The following CAMK1D variants were observed in gnomAD, a reference collection of about 807,000 sequenced individuals.
CAMK1D encodes the protein calcium/calmodulin-dependent protein kinase type 1D.
CAMK1D carries 9 observed loss-of-function variants against 47.7 expected under a neutral mutation model. That is an observed-to-expected ratio of 0.19 (90% CI 0.11 to 0.33). CAMK1D has a LOEUF of 0.33. Among genes scored for constraint, CAMK1D ranks in the 10% least tolerant of loss-of-function variants. The pLI is 1.00. For synonymous variants in CAMK1D, 184 were observed against 184.9 expected, an observed-to-expected ratio of 0.99 and a Z score of 0.04; for missense variants, 291 against 488.7, an observed-to-expected ratio of 0.60 and a Z score of 3.81.
At chr10:12,608,286 C>T (rs1327318544) in intron 2 of CAMK1D, among the ~76,000 whole-genome samples, 8 of 152,090 alleles carry the variant, frequency 5.3e-5, no homozygotes, top group East Asian at 3.9e-4. Context: ...GGCATGGTAG[C>T]GCACACCTGT....
At chr10:12,617,507 T>C (rs2132429487) in intron 2 of CAMK1D, among the ~76,000 whole-genome samples, 1 of 152,260 alleles carries the variant, frequency 6.6e-6, no homozygotes, top group South Asian at 2.1e-4. Context: ...CAGGCTATGA[T>C]GGCCAGAAAA....
intron 2 of CAMK1D, among the ~76,000 whole-genome samples, chr10:12,666,369 C>G (rs1303524264): frequency 6.6e-6 from 1 of 152,190 alleles, no homozygotes; most frequent in Non-Finnish European, 1.5e-5. Flanking sequence ...TCAGGCAAGT[C>G]CGTGATGGCC....
At chr10:12,424,744 G>A (rs1474739312) in intron 1 of CAMK1D, among the ~76,000 whole-genome samples, 1 of 152,100 alleles carries the variant, frequency 6.6e-6, no homozygotes. Context: ...AGGAGATCAC[G>A]GCTGCAGTGA....
At chr10:12,605,837 C>G (rs1287860485) in intron 2 of CAMK1D, among the ~76,000 whole-genome samples, 1 of 152,184 alleles carries the variant, frequency 6.6e-6, no homozygotes, top group Non-Finnish European at 1.5e-5. Flanking sequence ...TATTGAGAAA[C>G]CAAAAGTAAA....
rs1833475040 is a variant in CAMK1D at position 12,834,563 on chromosome 10, A to G, written c.*5676A>G. 1 of 152,196 alleles carries G rather than the reference A, an allele frequency of 6.6e-6. No individual in the cohort carries two copies. The highest frequency in any genetic ancestry group is 1.5e-5 in the Non-Finnish European group (1 of 68,022). 9.4% of individuals were successfully genotyped at this position (152,196 alleles called of 1,614,324 possible). On this transcript the variant is annotated 3_prime_UTR_variant, in exon 11 of 11. Transcript: ENST00000619168. ...AACGGTTGCATTCACCCTTTGTACT[A>G]TAACACCGCTTCTGCATTCGCCATA...
rs553110570 is a variant in CAMK1D at position 12,477,769 on chromosome 10, G to C, written c.93-75456G>C. Among the ~76,000 whole-genome samples the C allele has an allele frequency of 1.8e-3, 270 of 152,252 alleles. 1 individual carries two copies. Among genetic ancestry groups the C allele is most frequent in the African/African-American group, 6.3e-3 (261 of 41,534 alleles). On this transcript the variant is annotated intron_variant, in intron 1 of 10. Transcript: ENST00000619168. ...AGGCGGAGGGAGTGCTCACCTGTGC[G>C]ATGCCAGAGGGGAAAGGTGATTGAC...
intron 2 of CAMK1D, among the ~76,000 whole-genome samples, chr10:12,599,788 C>T (rs983764971): frequency 1.3e-5 from 2 of 152,140 alleles, no homozygotes; most frequent in African/African-American, 2.4e-5. Flanking sequence ...TTGCAGCCTC[C>T]CCATTGCCAG....
At chr10:12,683,800 T>C (rs1465332585) in intron 3 of CAMK1D, among the ~76,000 whole-genome samples, 1 of 151,458 alleles carries the variant, frequency 6.6e-6, no homozygotes, top group Admixed American at 6.6e-5. Flanking sequence ...GACTAATCTA[T>C]AAGTACAATT....
intron 2 of CAMK1D, among the ~76,000 whole-genome samples, chr10:12,599,304 G>A (rs1415733496): frequency 6.6e-6 from 1 of 152,144 alleles, no homozygotes; most frequent in Non-Finnish European, 1.5e-5. Context: ...GAGAAATTCT[G>A]TCCATTCAGT....
intron 1 of CAMK1D, among the ~76,000 whole-genome samples, chr10:12,515,600 G>A (rs1315020312): frequency 4.7e-5 from 3 of 63,528 alleles, no homozygotes; most frequent in African/African-American, 2.0e-4. Flanking sequence ...CCCAGAGTGT[G>A]ATATTCCCCT....
At chr10:12,822,468 T>C (rs1370243665) in intron 8 of CAMK1D, among the ~76,000 whole-genome samples, 1 of 152,214 alleles carries the variant, frequency 6.6e-6, no homozygotes, top group Admixed American at 6.5e-5. Context: ...AGATATAGCA[T>C]GGGACACAGA....
At chr10:12,738,425 T>C (rs536559111) in intron 3 of CAMK1D, among the ~76,000 whole-genome samples, 4 of 152,354 alleles carry the variant, frequency 2.6e-5, no homozygotes, top group Non-Finnish European at 4.4e-5. Flanking sequence ...GTGCTAGAAT[T>C]CTTTTTCTAG....
Position 12,374,470 on chromosome 10 carries a change from C to T in CAMK1D, c.92+24560C>T, listed in dbSNP as rs1489227655. On this transcript the variant is annotated intron_variant, in intron 1 of 10. Coordinates refer to ENST00000619168, the MANE Select transcript of CAMK1D (RefSeq NM_153498.4). Reference sequence around the variant, plus strand: ...ACCCCAGTCTCTGTGTCCTTGCTCACGTAGTATCTCCTGCTTCCAGAGCCC... The same window carrying T: ...ACCCCAGTCTCTGTGTCCTTGCTCATGTAGTATCTCCTGCTTCCAGAGCCC... Among the ~76,000 whole-genome samples the T allele has an allele frequency of 2.0e-5, 3 of 152,150 alleles. No individual in the cohort carries two copies. In the East Asian group the frequency reaches 5.8e-4, roughly 29 times the overall value.
intron 1 of CAMK1D, among the ~76,000 whole-genome samples, chr10:12,412,670 G>A (rs973186253): frequency 7.0e-6 from 1 of 143,560 alleles, no homozygotes; most frequent in Non-Finnish European, 1.5e-5. Flanking sequence ...ACTCCAGCCT[G>A]GGCAACAAGA....
intron 2 of CAMK1D, among the ~76,000 whole-genome samples, chr10:12,641,651 A>G (rs1486991436): frequency 6.6e-6 from 1 of 152,062 alleles, no homozygotes; most frequent in Non-Finnish European, 1.5e-5. Flanking sequence ...AAAGAGAAAC[A>G]TTTAAACTGA....
At chr10:12,394,450 TC>T (rs1838861629) in intron 1 of CAMK1D, among the ~76,000 whole-genome samples, 1 of 152,170 alleles carries the variant, frequency 6.6e-6, no homozygotes, top group African/African-American at 2.4e-5. Context: ...CCTGGTTGGT[TC>T]CCCTGGTAAC....
At chr10:12,430,526 C>T (rs931398746) in intron 1 of CAMK1D, among the ~76,000 whole-genome samples, 40 of 152,184 alleles carry the variant, frequency 2.6e-4, no homozygotes, top group African/African-American at 9.7e-4. Context: ...TTTCCTTGTC[C>T]TGTCTGTGGG....
intron 2 of CAMK1D, among the ~76,000 whole-genome samples, chr10:12,565,152 A>G (rs1837081600): frequency 6.6e-6 from 1 of 152,046 alleles, no homozygotes; most frequent in African/African-American, 2.4e-5. Context: ...TTGAGGCTTT[A>G]GGGAGCTATG....
At chr10:12,509,821 A>G (rs1834988263) in intron 1 of CAMK1D, among the ~76,000 whole-genome samples, 1 of 152,214 alleles carries the variant, frequency 6.6e-6, no homozygotes, top group Admixed American at 6.5e-5. Context: ...GTTCTACATA[A>G]TACATGGTAG....
Sources: gnomAD v4.1 joint callset for allele counts (sites outside exome capture counted in the v4.1 genomes callset) on GRCh38, gnomAD v4.1.1 for gene constraint, MANE v1.5 for transcripts, NCBI Gene and HGNC (gene_info 2026-07-23, HGNC 2026-07-21) for gene names.